Variants in MCCC1 observed in about 807,000 individuals in gnomAD.
MCCC1 encodes the protein methylcrotonoyl-CoA carboxylase subunit alpha, mitochondrial.
Under a neutral mutation model 83.8 loss-of-function variants are expected in MCCC1, and 64 were observed. The ratio of observed to expected loss-of-function variants is 0.76; its 90% CI spans 0.62 to 0.94. The LOEUF is 0.94. Ranked by LOEUF, MCCC1 falls within the 40% of genes least tolerant of loss-of-function variation. The pLI, the probability that MCCC1 is intolerant of heterozygous loss-of-function variation, is 0.00. For synonymous variants in MCCC1, 322 were observed against 315.4 expected, an observed-to-expected ratio of 1.02 and a Z score of -0.22; for missense variants, 807 against 904.7, an observed-to-expected ratio of 0.89 and a Z score of 1.39.
At chr3:183,049,391 G>A (rs1338403303) in intron 9 of MCCC1, among the ~76,000 whole-genome samples, 1 of 151,856 alleles carries the variant, frequency 6.6e-6, no homozygotes, top group Non-Finnish European at 1.5e-5. Context: ...CCAAGATGGT[G>A]AAACCCATCT....
chr3:183,021,689 T>G (rs1712173156), intron 16 of MCCC1, among the ~76,000 whole-genome samples: 2 of 152,212 alleles, frequency 1.3e-5, no homozygotes, highest in Non-Finnish European at 2.9e-5. Flanking sequence ...ATACGGCCTC[T>G]ATCATCATAT....
chr3:183,096,569 C>T (rs758525679), intron 1 of MCCC1, among the ~76,000 whole-genome samples: 52 of 152,124 alleles, frequency 3.4e-4, no homozygotes, highest in Admixed American at 9.2e-4. Context: ...TTGAGCAGGA[C>T]TAGTATTTCA....
chr3:183,111,590 G>A (rs774376092), intron 1 of MCCC1, among the ~76,000 whole-genome samples: 27 of 152,174 alleles, frequency 1.8e-4, no homozygotes, highest in Non-Finnish European at 3.2e-4. Context: ...GTGAGTCACC[G>A]CGTCCAGCCT....
Position 183,037,372 on chromosome 3 carries a change from T to C in MCCC1, c.1440A>G (p.Glu480=). 1.2e-6 allele frequency: 2 copies of C among 1,614,148 alleles called. No homozygotes were observed. Among genetic ancestry groups the C allele is most frequent in the South Asian group, 2.2e-5 (2 of 91,084 alleles). Residue 480 remains glutamate (E), a synonymous_variant, in exon 13 of 19, where the codon GAA becomes GAG. Coordinates refer to ENST00000265594, the MANE Select transcript of MCCC1 (RefSeq NM_020166.5). ...TGAAATCAGTGTGCACGTTCCCAGC[T>C]TCAAACTCTGGGTGGCCAGACAGGT... ...LLNLSGHPEF[E]AGNVHTDFIP...
intron 3 of MCCC1, chr3:183,090,940 G>T (rs115946488): frequency 2.9e-5 from 13 of 455,668 alleles, no homozygotes; most frequent in Non-Finnish European, 5.7e-5. Flanking sequence ...ACTGACCTTC[G>T]ATGGGAAAGA....
At chr3:183,023,620 C>T (rs1362841016) in intron 15 of MCCC1, among the ~76,000 whole-genome samples, 1 of 152,136 alleles carries the variant, frequency 6.6e-6, no homozygotes, top group Non-Finnish European at 1.5e-5. Flanking sequence ...GGCAGACTTT[C>T]CATGGTTTTT....
chr3:183,109,840 C>T (rs1259674818), intron 1 of MCCC1, among the ~76,000 whole-genome samples: 5 of 152,148 alleles, frequency 3.3e-5, no homozygotes, highest in Non-Finnish European at 5.9e-5. Flanking sequence ...AACTGATTTC[C>T]ACAGTGGCTG....
chr3:183,033,660 T>G (rs1367076906), intron 14 of MCCC1, among the ~76,000 whole-genome samples: 1 of 152,032 alleles, frequency 6.6e-6, no homozygotes, highest in Non-Finnish European at 1.5e-5. Flanking sequence ...AAAAAAAAAG[T>G]ACAAAGAATT....
chr3:183,034,126 T>C (rs376542826), intron 13 of MCCC1, 49 bp from the exon 14 acceptor site: 31 of 1,256,494 alleles, frequency 2.5e-5, no homozygotes, highest in Non-Finnish European at 3.5e-5. Flanking sequence ...ATCAAGCCTA[T>C]GAAATTTACA....
chr3:183,034,168 T>C (rs1204428179), intron 13 of MCCC1, 91 bp from the exon 14 acceptor site: 3 of 946,540 alleles, frequency 3.2e-6, no homozygotes, highest in African/African-American at 3.2e-5. Flanking sequence ...ATGCAAGTGC[T>C]GGCCGGGCAC....
chr3:183,024,960 TAA>T (rs1158461277), intron 15 of MCCC1, among the ~76,000 whole-genome samples: 19 of 134,686 alleles, frequency 1.4e-4, no homozygotes, highest in East Asian at 4.2e-4. Context: ...TTTTCACCCT[TAA>T]AAAAAAAAAA....
At chr3:183,039,270 T>A in intron 11 of MCCC1, 135 bp from the exon 12 acceptor site, 1 of 934,888 alleles carries the variant, frequency 1.1e-6, no homozygotes, top group East Asian at 2.6e-5. Flanking sequence ...AACACAAATT[T>A]ATTCATGAGG....
intron 8 of MCCC1, among the ~76,000 whole-genome samples, chr3:183,053,614 G>A (rs965479062): frequency 9.2e-5 from 14 of 151,444 alleles, no homozygotes; most frequent in South Asian, 4.2e-4. Flanking sequence ...AGACCAGCCT[G>A]GCCAACATAG....
intron 7 of MCCC1, among the ~76,000 whole-genome samples, chr3:183,067,990 T>C (rs1332115552): frequency 6.6e-6 from 1 of 152,160 alleles, no homozygotes; most frequent in Non-Finnish European, 1.5e-5. Context: ...AGCTCCTCTC[T>C]CTATACTGAA....
intron 15 of MCCC1, among the ~76,000 whole-genome samples, chr3:183,024,077 C>T (rs1315218534): frequency 6.6e-6 from 1 of 151,988 alleles, no homozygotes; most frequent in Non-Finnish European, 1.5e-5. Flanking sequence ...ACAGTGAAAC[C>T]CTGTCTTTAC....
At chr3:183,102,931 C>T (rs1258952638), upstream of MCCC1, among the ~76,000 whole-genome samples, 1 of 151,576 alleles carries the variant, frequency 6.6e-6, no homozygotes, top group African/African-American at 2.4e-5. Flanking sequence ...GGATTACAGG[C>T]ATCCACTACT....
At chr3:183,030,874 T>C (rs1356210638) in intron 14 of MCCC1, among the ~76,000 whole-genome samples, 2 of 152,228 alleles carry the variant, frequency 1.3e-5, no homozygotes, top group African/African-American at 4.8e-5. Context: ...AGGCTTTTAC[T>C]CTTCTTATCA....
intron 12 of MCCC1, 23 bp downstream of exon 12, chr3:183,039,003 T>C (rs1713846168): frequency 2.1e-5 from 34 of 1,606,890 alleles, no homozygotes; most frequent in Non-Finnish European, 2.7e-5. Flanking sequence ...TCAAGGTCAC[T>C]GGCACGGTCT....
At chr3:183,021,447 T>G (rs923441614) in intron 16 of MCCC1, among the ~76,000 whole-genome samples, 5 of 152,226 alleles carry the variant, frequency 3.3e-5, no homozygotes, top group African/African-American at 9.7e-5. Flanking sequence ...CTCAAACTCC[T>G]GGTCTCAAGC....
Sources: gnomAD v4.1 joint callset for allele counts (sites outside exome capture counted in the v4.1 genomes callset) on GRCh38, gnomAD v4.1.1 for gene constraint, MANE v1.5 for transcripts, NCBI Gene and HGNC (gene_info 2026-07-23, HGNC 2026-07-21) for gene names.